The following OSBPL9 variants were observed in gnomAD, a reference collection of about 807,000 sequenced individuals.
OSBPL9 encodes the protein oxysterol-binding protein-related protein 9.
Under a neutral mutation model 106.6 loss-of-function variants are expected in OSBPL9, and 40 were observed. The ratio of observed to expected loss-of-function variants is 0.38; its 90% CI spans 0.29 to 0.49. The LOEUF (loss-of-function observed/expected upper bound fraction) is 0.49, where lower values mean the gene tolerates loss of function less well. Ranked by LOEUF, OSBPL9 falls within the 20% of genes least tolerant of loss-of-function variation. The pLI, the probability that OSBPL9 is intolerant of heterozygous loss-of-function variation, is 0.97. For missense variants in OSBPL9, 609 were observed against 887.2 expected (o/e 0.69, Z 3.98); for synonymous variants, 269 against 295.4 (o/e 0.91, Z 0.92).
intron 1 of OSBPL9, among the ~76,000 whole-genome samples, chr1:51,620,681 T>A (rs1177513820): frequency 1.3e-5 from 2 of 152,032 alleles, no homozygotes; most frequent in African/African-American, 4.8e-5. Flanking sequence ...AGGTAGGTAG[T>A]AGTGAGAGAT....
the OSBPL9 span, among the ~76,000 whole-genome samples, chr1:51,558,142 T>C: frequency 1.3e-5 from 2 of 151,802 alleles, no homozygotes; most frequent in Admixed American, 6.6e-5. Flanking sequence ...TAGCCAGGCG[T>C]AGTGGCGGGC....
chr1:51,649,401 G>A (rs551234459), intron 1 of OSBPL9, among the ~76,000 whole-genome samples: 1 of 152,170 alleles, frequency 6.6e-6, no homozygotes, highest in Non-Finnish European at 1.5e-5. Flanking sequence ...GTGAGCCACT[G>A]TTCCTGGCCT....
chr1:51,695,646 G>A (rs752060722), intron 3 of OSBPL9, among the ~76,000 whole-genome samples: 10 of 152,102 alleles, frequency 6.6e-5, no homozygotes, highest in Non-Finnish European at 1.5e-4. Flanking sequence ...TTTATTTAAC[G>A]GAACTAGGGG....
intron 11 of OSBPL9, among the ~76,000 whole-genome samples, chr1:51,764,875 G>A (rs1050569382): frequency 6.6e-6 from 1 of 152,156 alleles, no homozygotes; most frequent in African/African-American, 2.4e-5. Flanking sequence ...ATGAGCCATT[G>A]TGCCTAGCCT....
At chr1:51,617,996 T>TTTTGTGTG (rs111943091) in intron 1 of OSBPL9, among the ~76,000 whole-genome samples, 1 of 145,702 alleles carries the variant, frequency 6.9e-6, no homozygotes, top group Non-Finnish European at 1.5e-5. Flanking sequence ...TCTTACGTGG[T>TTTTGTGTG]TGTGTGTGTG....
chr1:51,661,776 C>A (rs763445766), intron 2 of OSBPL9, among the ~76,000 whole-genome samples: 6 of 152,018 alleles, frequency 3.9e-5, no homozygotes, highest in South Asian at 4.2e-4. Flanking sequence ...CAGATATAAT[C>A]AAAAAAATAC....
At chr1:51,534,173 C>T in the OSBPL9 span, among the ~76,000 whole-genome samples, 1 of 150,650 alleles carries the variant, frequency 6.6e-6, no homozygotes, top group Admixed American at 6.6e-5. Flanking sequence ...CACTGCACTC[C>T]AGCCTGGGCG....
At chr1:51,639,095 A>G (rs540680829) in intron 1 of OSBPL9, among the ~76,000 whole-genome samples, 24 of 152,324 alleles carry the variant, frequency 1.6e-4, no homozygotes, top group Non-Finnish European at 2.5e-4. Flanking sequence ...TAAAAAACAC[A>G]TATTTTAAGT....
At chr1:51,778,581 A>G (rs898413695) in intron 15 of OSBPL9, among the ~76,000 whole-genome samples, 1 of 152,264 alleles carries the variant, frequency 6.6e-6, no homozygotes, top group African/African-American at 2.4e-5. Flanking sequence ...TCAAGAATAA[A>G]TAATACTCCT....
In OSBPL9 at chr1:51,788,891, AG is replaced by A. The variant is rs1323918336; in HGVS notation, c.*1104del. Among the ~76,000 whole-genome samples, 1 of 148,256 alleles carries A rather than the reference AG, an allele frequency of 6.7e-6. No homozygotes were observed. The highest frequency in any genetic ancestry group is 1.5e-5 in the Non-Finnish European group (1 of 67,630). Reference sequence around the variant, plus strand: ...TTATTTAAAAATACATTAAAAAAACAGGTATTAGTACCTAGCATTTAGTTAG... The same window carrying A: ...TTATTTAAAAATACATTAAAAAAACAGTATTAGTACCTAGCATTTAGTTAG... On this transcript the variant is annotated 3_prime_UTR_variant, in exon 24 of 24. Coordinates refer to ENST00000428468, the MANE Select transcript of OSBPL9 (RefSeq NM_024586.6).
At chr1:51,651,771 G>A (rs1646534170) in intron 1 of OSBPL9, among the ~76,000 whole-genome samples, 1 of 152,146 alleles carries the variant, frequency 6.6e-6, no homozygotes, top group Non-Finnish European at 1.5e-5. Flanking sequence ...TTAAAGGTAT[G>A]TGTAAAGTTC....
intron 15 of OSBPL9, among the ~76,000 whole-genome samples, chr1:51,780,342 T>C (rs1295255274): frequency 2.0e-5 from 3 of 152,156 alleles, no homozygotes; most frequent in Admixed American, 2.0e-4. Flanking sequence ...AGATCCACCA[T>C]TTGATTCAGC....
chr1:51,769,312 A>G (rs1673326328), intron 12 of OSBPL9, among the ~76,000 whole-genome samples: 1 of 152,206 alleles, frequency 6.6e-6, no homozygotes, highest in African/African-American at 2.4e-5. Context: ...TACTAATGAT[A>G]GCTTCTGTGT....
the OSBPL9 span, among the ~76,000 whole-genome samples, chr1:51,570,191 C>T: frequency 3.9e-5 from 6 of 152,210 alleles, no homozygotes; most frequent in Non-Finnish European, 8.8e-5. Flanking sequence ...ACTTTCTGGA[C>T]ATCTTTCTAC....
chr1:51,762,772 C>T (rs1335577321), intron 11 of OSBPL9, among the ~76,000 whole-genome samples: 1 of 152,184 alleles, frequency 6.6e-6, no homozygotes, highest in Non-Finnish European at 1.5e-5. Flanking sequence ...ACTTAGAGCA[C>T]TTTCCATGTT....
intron 1 of OSBPL9, among the ~76,000 whole-genome samples, chr1:51,585,432 A>G (rs1645241983): frequency 6.6e-6 from 1 of 152,184 alleles, no homozygotes; most frequent in Admixed American, 6.6e-5. Flanking sequence ...TTAGTGGCTA[A>G]GACTATGCTT....
At chr1:51,518,980 G>T in the OSBPL9 span, among the ~76,000 whole-genome samples, 6 of 151,290 alleles carry the variant, frequency 4.0e-5, no homozygotes, top group Non-Finnish European at 8.9e-5. Flanking sequence ...GGAGGCGCCC[G>T]ACGACCCTGG....
intron 2 of OSBPL9, among the ~76,000 whole-genome samples, chr1:51,601,172 G>A (rs958076297): frequency 2.6e-5 from 4 of 152,172 alleles, no homozygotes; most frequent in African/African-American, 9.7e-5. Context: ...TACCAGCATT[G>A]CCCTGTAGCT....
chr1:51,536,125 C>CT, the OSBPL9 span, among the ~76,000 whole-genome samples: 1 of 152,146 alleles, frequency 6.6e-6, no homozygotes, highest in African/African-American at 2.4e-5. Context: ...CTCAGTATGA[C>CT]AATCAAATCC....
Sources: allele counts gnomAD v4.1 joint callset (sites outside exome capture counted in the v4.1 genomes callset), GRCh38; gene constraint gnomAD v4.1.1; transcripts MANE v1.5; gene names NCBI Gene and HGNC (gene_info 2026-07-23, HGNC 2026-07-21).